Variants in CHD5 observed in about 807,000 individuals in gnomAD.
CHD5 encodes chromodomain helicase DNA binding protein 5, also known as ATP-dependent chromatin remodeler CHD5.
CHD5 carries 69 observed loss-of-function variants against 230.3 expected under a neutral mutation model. That is an observed-to-expected ratio of 0.30 (90% CI 0.25 to 0.37). CHD5 has a LOEUF of 0.37. Among genes scored for constraint, CHD5 ranks in the 10% least tolerant of loss-of-function variants. The probability of loss-of-function intolerance (pLI) is 1.00; values close to 1 mark genes in which losing one functional copy is unlikely to be tolerated. For missense variants in CHD5, 1,827 were observed against 2,622.8 expected (o/e 0.70, Z 6.63); for synonymous variants, 1,064 against 1,065.9 (o/e 1.00, Z 0.03).
At chr1:6,132,979 T>C (rs1265506220) in intron 20 of CHD5, among the ~76,000 whole-genome samples, 1 of 151,620 alleles carries the variant, frequency 6.6e-6, no homozygotes, top group Non-Finnish European at 1.5e-5. Flanking sequence ...ACTGCAACCC[T>C]GAACTCCTGG....
chr1:6,123,978 G>A lies in CHD5; in HGVS notation c.4669C>T (p.His1557Tyr), dbSNP rs1666512480. The A allele has an allele frequency of 6.2e-7, 1 of 1,601,858 alleles. No homozygotes were observed. The change falls in exon 31 of 42, where the codon CAC (histidine) becomes TAC (tyrosine). Residue 1557 changes from histidine (H) to tyrosine (Y), a missense_variant. Physicochemically the swap from His to Tyr is moderately conservative, Grantham distance 83. Transcript: ENST00000262450. ...PNTPVPASPA[H>Y]LLPAPLGLPD... The stretch of plus-strand genomic sequence containing the variant: ...AGGCCCAGCGGGGCTGGCAGGAGGT[G>A]GGCAGGGCTGGCGGGCACTGGTGTG...
At chr1:6,135,209 C>G (rs114398792) in intron 18 of CHD5, 21 bp downstream of exon 18, 1 of 1,613,540 alleles carries the variant, frequency 6.2e-7, no homozygotes, top group Non-Finnish European at 8.5e-7. Flanking sequence ...CAGGCTGCTC[C>G]GGGGTCAGCC....
At chr1:6,143,242 T>C (rs1013798298) in intron 13 of CHD5, among the ~76,000 whole-genome samples, 16 of 152,002 alleles carry the variant, frequency 1.1e-4, no homozygotes, top group African/African-American at 3.6e-4. Context: ...GGGATCTCAC[T>C]ACGTTGCCTC....
rs754212438 is a variant in CHD5 at position 6,125,144 on chromosome 1, G to C, written c.4350C>G (p.His1450Gln). 1.2e-6 allele frequency: 2 copies of C among 1,606,156 alleles called. No homozygotes were observed. The highest frequency in any genetic ancestry group is 1.7e-6 in the Non-Finnish European group (2 of 1,176,548). Residue 1450 changes from histidine to glutamine, a missense_variant, in exon 29 of 42, where the codon CAC becomes CAG. Coordinates refer to ENST00000262450, the MANE Select transcript of CHD5 (RefSeq NM_015557.3). The surrounding 1 kb of genome is among the most constrained non-coding windows in gnomAD (Gnocchi z 6.7). ...GMPPQDAFNS[H>Q]WLVRDLRGKS... The stretch of plus-strand genomic sequence containing the variant: ...TCCCTCGAAGGTCCCGCACCAGCCA[G>C]TGGGAGTTGAAGGCGTCCTGCGGGG...
chr1:6,179,640 C>A (rs546809610), intron 1 of CHD5, among the ~76,000 whole-genome samples: 8 of 149,998 alleles, frequency 5.3e-5, no homozygotes, highest in African/African-American at 1.9e-4. Context: ...ACCCTGACAG[C>A]GCCGCGCCCC....
rs765202377 is a variant in CHD5 at position 6,106,278 on chromosome 1, G to A, written c.*2C>T. 8 of 1,612,706 alleles carry A rather than the reference G, an allele frequency of 5.0e-6. 1 individual carries two copies. The highest frequency in any genetic ancestry group is 3.3e-5 in the South Asian group (3 of 91,084). On this transcript the variant is annotated 3_prime_UTR_variant, in exon 41 of 42. Transcript: ENST00000262450. ...TGCAACACAGGGAAGTCTCGAGGAC[G>A]GCTAGATATCTGTCAAAAAAAGAGG...
rs542588398 is a variant in CHD5 at position 6,152,295 on chromosome 1, C to T, written c.870+117G>A. 1.2e-4 allele frequency: 146 copies of T among 1,184,782 alleles called. No homozygotes were observed. The East Asian group carries it at 3.4e-3, about 27-fold the overall frequency. The allele number at this position is 1,184,782 out of a possible 1,614,324, so 73.4% of individuals were successfully genotyped here. Reference sequence around the variant, plus strand: ...ATGGAAGGAGAATAGTGGAGGGGTGCGACCTGCCCCAGCTAGTTTGTAATG... The same window carrying T: ...ATGGAAGGAGAATAGTGGAGGGGTGTGACCTGCCCCAGCTAGTTTGTAATG... On this transcript the variant is annotated intron_variant, in intron 6 of 41. Coordinates refer to ENST00000262450, the MANE Select transcript of CHD5 (RefSeq NM_015557.3).
In CHD5 at chr1:6,164,653, T is replaced by C. The variant is rs528473701; in HGVS notation, c.207+3497A>G. Among the ~76,000 whole-genome samples, 3 of 152,264 alleles carry C rather than the reference T, an allele frequency of 2.0e-5. No individual in the cohort carries two copies. In the South Asian group the frequency reaches 6.2e-4, roughly 32 times the overall value. The stretch of plus-strand genomic sequence containing the variant: ...TCCCTTGTCTTTATCCTGGGGCTCC[T>C]AGTCTGCCAGGCAGGTGGGCAAAGG... On this transcript the variant is annotated intron_variant, in intron 2 of 41. Coordinates refer to ENST00000262450, the MANE Select transcript of CHD5 (RefSeq NM_015557.3).
intron 38 of CHD5, among the ~76,000 whole-genome samples, chr1:6,107,573 AG>A (rs140419251): frequency 0.15 from 7,865 of 53,114 alleles, 323 homozygotes; most frequent in East Asian, 0.43. Context: ...GGAGAGATAA[AG>A]GGATGTAGGG....
At chr1:6,165,316 GGGGGCTCCCAC>G (rs935174188) in intron 2 of CHD5, among the ~76,000 whole-genome samples, 2 of 152,146 alleles carry the variant, frequency 1.3e-5, no homozygotes, top group African/African-American at 4.8e-5. Context: ...TGGGGAGGAT[GGGGGCTCCCAC>G]AGGGCTCCCA....
rs1666628625 is a variant in CHD5, at chr1:6,130,012, C to T, written c.3387+192G>A. ...CTTCCTCCTCTGGACAAGGACAGAGCTGGAGGGATGGGGGCCAAGCTTCCA... is the reference window on the plus strand; with the variant it reads ...CTTCCTCCTCTGGACAAGGACAGAGTTGGAGGGATGGGGGCCAAGCTTCCA... On this transcript the variant is annotated intron_variant, in intron 22 of 41. Coordinates refer to ENST00000262450, the MANE Select transcript of CHD5 (RefSeq NM_015557.3). This position sits in a 1 kb window ranked among gnomAD's most constrained non-coding sequence, Gnocchi z 4.9. The T allele has an allele frequency of 3.1e-6, 2 of 648,940 alleles. No individual in the cohort carries two copies. Among genetic ancestry groups the T allele is most frequent in the Non-Finnish European group, 5.4e-6 (2 of 373,790 alleles). 40.2% of individuals were successfully genotyped at this position (648,940 alleles called of 1,614,324 possible). A position where few individuals can be genotyped will look rare whatever the true frequency, so the allele number is the denominator to read the frequency against.
In CHD5 at chr1:6,179,345, C is replaced by T. The variant is rs1667475512; in HGVS notation, c.79+600G>A. On this transcript the variant is annotated intron_variant, in intron 1 of 41. Coordinates refer to ENST00000262450, the MANE Select transcript of CHD5 (RefSeq NM_015557.3). ...GAGCGGCGGTCACAGCGCACAGAGG[C>T]CAGGAAAGAGGAGCAGGGGTCCGAG... Among the ~76,000 whole-genome samples, 4 of 152,186 alleles carry T rather than the reference C, an allele frequency of 2.6e-5. No individual in the cohort carries two copies. The South Asian group carries it at 8.3e-4, about 32-fold the overall frequency.
At chr1:6,117,242 G>A (rs1378669347) in intron 33 of CHD5, among the ~76,000 whole-genome samples, 1 of 152,260 alleles carries the variant, frequency 6.6e-6, no homozygotes, top group African/African-American at 2.4e-5. Flanking sequence ...CAAATGTAAA[G>A]AGATTAAACT....
intron 1 of CHD5, among the ~76,000 whole-genome samples, chr1:6,176,592 C>G (rs1188724426): frequency 6.6e-6 from 1 of 152,204 alleles, no homozygotes; most frequent in East Asian, 1.9e-4. Flanking sequence ...GTATCAGAAG[C>G]ATTTCCTTGG....
chr1:6,134,480 C>T lies in CHD5; in HGVS notation c.3013-221G>A, dbSNP rs1347555296. On this transcript the variant is annotated intron_variant, in intron 19 of 41. Coordinates refer to ENST00000262450, the MANE Select transcript of CHD5 (RefSeq NM_015557.3). This position sits in a 1 kb window ranked among gnomAD's most constrained non-coding sequence, Gnocchi z 6.3. Reference sequence around the variant, plus strand: ...CCAGGCCCCCCGTTCCCAGGCAGGGCTCACAGCCGCACCAGCCCTACCACA... The same window carrying T: ...CCAGGCCCCCCGTTCCCAGGCAGGGTTCACAGCCGCACCAGCCCTACCACA... Among the ~76,000 whole-genome samples, 4 of 152,224 alleles carry T rather than the reference C, an allele frequency of 2.6e-5. No individual in the cohort carries two copies. The highest frequency in any genetic ancestry group is 2.6e-4 in the Admixed American group (4 of 15,292).
In CHD5 at chr1:6,126,959, C is replaced by T. The variant is rs1452343008; in HGVS notation, c.3904-213G>A. On this transcript the variant is annotated intron_variant, in intron 25 of 41. Transcript: ENST00000262450. This position sits in a 1 kb window ranked among gnomAD's most constrained non-coding sequence, Gnocchi z 5.7. ...CCAGTCAATCATTTACTTATTCATC[C>T]ATCCATTCACAAAGCAAGTATTTCC... 1.7e-6 allele frequency: 1 copy of T among 586,214 alleles called. No homozygotes were observed. The highest frequency in any genetic ancestry group is 3.0e-6 in the Non-Finnish European group (1 of 328,788). The allele number at this position is 586,214 out of a possible 1,614,324, so 36.3% of individuals were successfully genotyped here. A position where few individuals can be genotyped will look rare whatever the true frequency, so the allele number is the denominator to read the frequency against.
chr1:6,119,803 GTACA>G (rs553135915), intron 33 of CHD5, among the ~76,000 whole-genome samples: 80 of 148,730 alleles, frequency 5.4e-4, no homozygotes, highest in African/African-American at 1.8e-3. Flanking sequence ...ACGTATGTAC[GTACA>G]TATATACGTA....
chr1:6,178,205 G>C (rs191438463), intron 1 of CHD5, among the ~76,000 whole-genome samples: 1 of 152,116 alleles, frequency 6.6e-6, no homozygotes, highest in Non-Finnish European at 1.5e-5. Flanking sequence ...GGGGGAGCAC[G>C]GGTGGTGGGC....
chr1:6,119,199 T>C (rs1440032228), intron 33 of CHD5, among the ~76,000 whole-genome samples: 1 of 151,832 alleles, frequency 6.6e-6, no homozygotes, highest in Non-Finnish European at 1.5e-5. Context: ...CAGGCTGGAG[T>C]GCAGTGGTGC....
Sources: allele counts gnomAD v4.1 joint callset (sites outside exome capture counted in the v4.1 genomes callset), GRCh38; gene constraint gnomAD v4.1.1; non-coding constraint Gnocchi (gnomAD v3.1); transcripts MANE v1.5; gene names NCBI Gene and HGNC (gene_info 2026-07-23, HGNC 2026-07-21).